Variants in KSR2 observed in about 807,000 individuals in gnomAD.
KSR2 encodes kinase suppressor of ras 2.
KSR2 carries 25 observed loss-of-function variants against 107.8 expected under a neutral mutation model. The observed-to-expected ratio is 0.23, with a 90% CI of 0.17 to 0.32. The LOEUF is 0.32. Among genes scored for constraint, KSR2 ranks in the 10% least tolerant of loss-of-function variants. The pLI, the probability that KSR2 is intolerant of heterozygous loss-of-function variation, is 1.00. For synonymous variants in KSR2, 480 were observed against 507.0 expected (o/e 0.95, Z 0.71); for missense variants, 887 against 1,268.9 (o/e 0.70, Z 4.57).
rs968397856 is a variant in KSR2 at position 117,600,888 on chromosome 12, G to A, written c.1172-18529C>T. Among the ~76,000 whole-genome samples the A allele has an allele frequency of 2.6e-5, 4 of 152,090 alleles. 1 individual carries two copies. The highest frequency in any genetic ancestry group is 5.9e-5 in the Non-Finnish European group (4 of 68,022). On this transcript the variant is annotated intron_variant, in intron 5 of 19. Coordinates refer to ENST00000339824, the MANE Select transcript of KSR2 (RefSeq NM_173598.6). The stretch of plus-strand genomic sequence containing the variant: ...AAGAAATGGTAAAGGCATGGGGGTC[G>A]AGTGGGGGCTGGGGACTCCTATGTT...
At position 117,514,545 on chromosome 12, in the gene KSR2, T is replaced by TTC. The variant is rs1874243321; in HGVS notation, c.2219+10306_2219+10307insGA. On this transcript the variant is annotated intron_variant, in intron 14 of 19. Transcript: ENST00000339824. ...TTTGGTTTCTCTCTCTCTCTCTCTC[T>TTC]TTTTTTTTTTTTTTTTTGAGACAGG... Among the ~76,000 whole-genome samples, 3 of 101,930 alleles carry TTC rather than the reference T, an allele frequency of 2.9e-5. No homozygotes were observed. In the South Asian group the frequency reaches 9.0e-4, roughly 31 times the overall value. 66.9% of individuals were successfully genotyped at this position (101,930 alleles called of 152,430 possible).
intron 4 of KSR2, among the ~76,000 whole-genome samples, chr12:117,745,825 T>A (rs1888386522): frequency 6.6e-6 from 1 of 152,074 alleles, no homozygotes; most frequent in African/African-American, 2.4e-5. Flanking sequence ...TGAACTCCCA[T>A]TCACAACTGC....
chr12:117,758,306 C>A (rs1272098038), intron 4 of KSR2, among the ~76,000 whole-genome samples: 1 of 152,160 alleles, frequency 6.6e-6, no homozygotes, highest in African/African-American at 2.4e-5. Flanking sequence ...CTACCCATGA[C>A]CCCCGCTGCC....
intron 4 of KSR2, among the ~76,000 whole-genome samples, chr12:117,725,853 A>G (rs1887404475): frequency 6.6e-6 from 1 of 152,160 alleles, no homozygotes; most frequent in Non-Finnish European, 1.5e-5. Context: ...AGGGGGAGGC[A>G]CAAGAATCAC....
chr12:117,769,654 T>G (rs939105418), intron 3 of KSR2, among the ~76,000 whole-genome samples: 1 of 152,330 alleles, frequency 6.6e-6, no homozygotes, highest in East Asian at 1.9e-4. Flanking sequence ...TAAATGTTCA[T>G]GTACAAAGAG....
intron 3 of KSR2, among the ~76,000 whole-genome samples, chr12:117,828,744 C>T (rs1486605838): frequency 6.6e-6 from 1 of 152,216 alleles, no homozygotes; most frequent in Non-Finnish European, 1.5e-5. Context: ...AGTATCCATA[C>T]CACCTGGATG....
In KSR2 at chr12:117,941,844, C is replaced by T. The variant is rs564543232; in HGVS notation, c.180+26232G>A. ...TTTTAGTAGAGACGGAGTTTCACCA[C>T]GCTGGCCAGGCTGTTCTCAAACTCC... On this transcript the variant is annotated intron_variant, in intron 1 of 19. Transcript: ENST00000339824. Among the ~76,000 whole-genome samples the T allele has an allele frequency of 8.6e-4, 124 of 143,532 alleles. 2 individuals carry two copies. The highest frequency in any genetic ancestry group is 3.1e-3 in the African/African-American group (119 of 38,898). The allele number at this position is 143,532 out of a possible 152,430, so 94.2% of individuals were successfully genotyped here.
intron 4 of KSR2, among the ~76,000 whole-genome samples, chr12:117,704,777 T>C (rs933219382): frequency 1.6e-4 from 24 of 151,800 alleles, no homozygotes; most frequent in Admixed American, 4.6e-4. Flanking sequence ...GAGGATCACT[T>C]GAACCCAGGA....
intron 5 of KSR2, among the ~76,000 whole-genome samples, chr12:117,594,564 T>C (rs915838789): frequency 6.7e-6 from 1 of 148,238 alleles, no homozygotes; most frequent in Non-Finnish European, 1.5e-5. Flanking sequence ...CAGGTGCTGA[T>C]TGCATCCCTG....
rs78083578 is a variant in KSR2, at chr12:117,742,225, G to A, written c.986+18786C>T. Among the ~76,000 whole-genome samples, 1,120 of 152,340 alleles carry A rather than the reference G, an allele frequency of 7.4e-3. 12 individuals carry two copies. The highest frequency in any genetic ancestry group is 0.026 in the African/African-American group (1,063 of 41,570). Reference sequence around the variant, plus strand: ...ATTGTTCCTGATTAAAGGAAACTGAGGGGTCAGGATAACTGAATGCATTGC... The same window carrying A: ...ATTGTTCCTGATTAAAGGAAACTGAAGGGTCAGGATAACTGAATGCATTGC... On this transcript the variant is annotated intron_variant, in intron 4 of 19. Coordinates refer to ENST00000339824, the MANE Select transcript of KSR2 (RefSeq NM_173598.6).
At chr12:117,820,143 A>G (rs1891513209) in intron 3 of KSR2, among the ~76,000 whole-genome samples, 1 of 152,226 alleles carries the variant, frequency 6.6e-6, no homozygotes, top group African/African-American at 2.4e-5. Flanking sequence ...TTACTTTAAA[A>G]CAATAACTAG....
At chr12:117,707,104 T>C (rs1325344149) in intron 4 of KSR2, among the ~76,000 whole-genome samples, 1 of 152,186 alleles carries the variant, frequency 6.6e-6, no homozygotes, top group Admixed American at 6.5e-5. Flanking sequence ...TTTGACAACA[T>C]TATGCTGAAT....
intron 8 of KSR2, among the ~76,000 whole-genome samples, chr12:117,555,495 T>C (rs767249292): frequency 5.9e-5 from 9 of 152,270 alleles, no homozygotes; most frequent in Non-Finnish European, 8.8e-5. Flanking sequence ...ATATGACTTT[T>C]GACAATTAAG....
chr12:117,523,152 T>C (rs956772874), intron 14 of KSR2, among the ~76,000 whole-genome samples: 4 of 152,322 alleles, frequency 2.6e-5, no homozygotes, highest in Non-Finnish European at 5.9e-5. Context: ...GCATCATCTA[T>C]GGATACAGAA....
chr12:117,679,268 G>A (rs978815582), intron 4 of KSR2, among the ~76,000 whole-genome samples: 9 of 152,122 alleles, frequency 5.9e-5, no homozygotes, highest in African/African-American at 2.2e-4. Flanking sequence ...CGTTTCCTAT[G>A]GTCCAGGTAC....
Position 117,555,302 on chromosome 12 carries a change from G to T in KSR2, c.1394-9C>A. The T allele has an allele frequency of 6.2e-7, 1 of 1,613,668 alleles. No individual in the cohort carries two copies. The highest frequency in any genetic ancestry group is 1.1e-5 in the South Asian group (1 of 91,006). ...GACTAACCTTGCTGGATCCGTAGGG[G>T]TAAAAACATTGATTTGGGAGTTTAA... is the stretch of plus-strand genomic sequence containing the variant. On this transcript the variant is annotated splice_polypyrimidine_tract_variant and intron_variant, in intron 8 of 19. Coordinates refer to ENST00000339824, the MANE Select transcript of KSR2 (RefSeq NM_173598.6).
chr12:117,798,808 C>T (rs1890730874), intron 3 of KSR2, among the ~76,000 whole-genome samples: 1 of 151,658 alleles, frequency 6.6e-6, no homozygotes, highest in African/African-American at 2.4e-5. Flanking sequence ...TAATTATTCA[C>T]AACAGCCCAA....
intron 2 of KSR2, 37 bp from the exon 3 acceptor site, chr12:117,855,615 G>A: frequency 6.2e-7 from 1 of 1,610,224 alleles, no homozygotes; most frequent in African/African-American, 1.3e-5. Flanking sequence ...CCGTGGGGCA[G>A]GAACAGCATC....
At chr12:117,625,359 T>C (rs886600132) in intron 5 of KSR2, among the ~76,000 whole-genome samples, 2 of 152,194 alleles carry the variant, frequency 1.3e-5, no homozygotes, top group Non-Finnish European at 2.9e-5. Context: ...TAGCTCTTAT[T>C]ATTTTGAGAT....
Sources: allele counts gnomAD v4.1 joint callset (sites outside exome capture counted in the v4.1 genomes callset), GRCh38; gene constraint gnomAD v4.1.1; transcripts MANE v1.5; gene names NCBI Gene and HGNC (gene_info 2026-07-23, HGNC 2026-07-21).